Variants in TTC39A observed in about 807,000 individuals in gnomAD.
TTC39A encodes tetratricopeptide repeat protein 39A.
A neutral mutation model predicts 82.3 loss-of-function variants in TTC39A; 46 were observed. That is an observed-to-expected ratio of 0.56 (90% CI 0.44 to 0.71). The LOEUF is 0.71. Among genes scored for constraint, TTC39A ranks in the 30% least tolerant of loss-of-function variants. The pLI is 0.00. For missense variants in TTC39A, 543 were observed against 712.9 expected, an observed-to-expected ratio of 0.76 and a Z score of 2.71; for synonymous variants, 254 against 275.2, an observed-to-expected ratio of 0.92 and a Z score of 0.76.
In TTC39A at chr1:51,330,369, C is replaced by T. The variant is rs1482291342; in HGVS notation, c.41+68G>A. On this transcript the variant is annotated intron_variant, in intron 1 of 17. Coordinates refer to ENST00000680483, the MANE Select transcript of TTC39A (RefSeq NM_001297663.2). The surrounding 1 kb of genome is among the most constrained non-coding windows in gnomAD (Gnocchi z 4.5). Reference sequence around the variant, plus strand: ...GTGCGCGGGGGGAGGCCTGGCGCGGCGCCCGCCACCTGCCCGGGCCCCAGC... The same window carrying T: ...GTGCGCGGGGGGAGGCCTGGCGCGGTGCCCGCCACCTGCCCGGGCCCCAGC... 7.4e-6 allele frequency: 7 copies of T among 941,890 alleles called. No individual in the cohort carries two copies. The highest frequency in any genetic ancestry group is 4.8e-5 in the South Asian group (1 of 20,640). 58.3% of individuals were successfully genotyped at this position (941,890 alleles called of 1,614,324 possible). A position where few individuals can be genotyped will look rare whatever the true frequency, so the allele number is the denominator to read the frequency against.
chr1:51,305,919 A>C, intron 7 of TTC39A, 58 bp downstream of exon 7: 1 of 1,539,976 alleles, frequency 6.5e-7, no homozygotes, highest in Non-Finnish European at 9.0e-7. Context: ...TGAGTCAGGG[A>C]CAGAAGGGGA....
In TTC39A at chr1:51,287,746, G is replaced by C. The variant is rs1483861710; in HGVS notation, c.*411C>G. On this transcript the variant is annotated 3_prime_UTR_variant, in exon 18 of 18. Coordinates refer to ENST00000680483, the MANE Select transcript of TTC39A (RefSeq NM_001297663.2). ...AATTTGAAAAGCAATTTGCCCTTTG[G>C]CATCATCATATAAAGAGATTTACCT... 6.0e-6 allele frequency: 1 copy of C among 167,140 alleles called. No homozygotes were observed. Among genetic ancestry groups the C allele is most frequent in the African/African-American group, 2.4e-5 (1 of 42,160 alleles). 10.4% of individuals were successfully genotyped at this position (167,140 alleles called of 1,614,324 possible). A position where few individuals can be genotyped will look rare whatever the true frequency, so the allele number is the denominator to read the frequency against.
intron 1 of TTC39A, chr1:51,344,861 C>T: frequency 1.7e-6 from 2 of 1,198,250 alleles, no homozygotes; most frequent in Admixed American, 3.0e-5. Context: ...CGGCCGACCC[C>T]CACGCCCAGC....
intron 2 of TTC39A, among the ~76,000 whole-genome samples, chr1:51,319,431 C>T (rs1368910827): frequency 6.6e-6 from 1 of 152,136 alleles, no homozygotes; most frequent in East Asian, 1.9e-4. Context: ...ACGGAACCAT[C>T]GTACAAGAGC....
intron 11 of TTC39A, 103 bp from the exon 12 acceptor site, chr1:51,301,836 G>T: frequency 2.0e-6 from 3 of 1,494,180 alleles, no homozygotes; most frequent in Non-Finnish European, 2.7e-6. Context: ...CTCCTCCAGG[G>T]CATAGTGGTC....
intron 6 of TTC39A, among the ~76,000 whole-genome samples, chr1:51,307,178 C>T (rs1051801029): frequency 1.3e-5 from 2 of 152,160 alleles, no homozygotes; most frequent in African/African-American, 4.8e-5. Flanking sequence ...TAACCCAGGA[C>T]TTCTTTTAAG....
In TTC39A at chr1:51,288,839, T is replaced by C. The variant is rs1197354762; in HGVS notation, c.1610A>G (p.Lys537Arg). 2 of 1,601,022 alleles carry C rather than the reference T, an allele frequency of 1.2e-6. No individual in the cohort carries two copies. Among genetic ancestry groups the C allele is most frequent in the South Asian group, 1.1e-5 (1 of 88,448 alleles). Residue 537 changes from lysine to arginine, a missense_variant and splice_region_variant, in exon 17 of 18, where the codon AAG (lysine) becomes AGG (arginine). Transcript: ENST00000680483. The surrounding 1 kb of genome is among the most constrained non-coding windows in gnomAD (Gnocchi z 4.8). ...EEAIKLLESAKQNYKNYSMES... is the reference protein window; with the variant it reads ...EEAIKLLESARQNYKNYSMES... ...CAGACTGAGGTTACCCAAGCCTTAC[T>C]TGGCAGATTCCAAAAGTTTGATGGC... is the stretch of plus-strand genomic sequence containing the variant.
chr1:51,316,109 A>G (rs1645272857), intron 2 of TTC39A, among the ~76,000 whole-genome samples: 1 of 151,760 alleles, frequency 6.6e-6, no homozygotes, highest in Non-Finnish European at 1.5e-5. Flanking sequence ...TGCTTGTTTC[A>G]CCATTTCCCT....
rs1028971563 is a variant in TTC39A, at chr1:51,321,136, A to G, written c.146+585T>C. 6.6e-6 allele frequency among the ~76,000 whole-genome samples: 1 copy of G among 152,252 alleles called. No individual in the cohort carries two copies. Among genetic ancestry groups the G allele is most frequent in the Non-Finnish European group, 1.5e-5 (1 of 68,046 alleles). On this transcript the variant is annotated intron_variant, in intron 2 of 17. Coordinates refer to ENST00000680483, the MANE Select transcript of TTC39A (RefSeq NM_001297663.2). The surrounding 1 kb of genome is among the most constrained non-coding windows in gnomAD (Gnocchi z 4.6). ...TGATCCACCCGCCTTGGCCTCCCAA[A>G]GTGCTGGGATTACAAGCGTGAGCCA...
chr1:51,303,217 G>A (rs1449760635), intron 8 of TTC39A, 25 bp from the exon 9 acceptor site: 4 of 1,511,822 alleles, frequency 2.6e-6, no homozygotes, highest in Non-Finnish European at 2.7e-6. Context: ...GGGTGGGTGA[G>A]GCTCCCAGAG....
intron 13 of TTC39A, among the ~76,000 whole-genome samples, chr1:51,295,271 C>A: frequency 6.6e-6 from 1 of 152,148 alleles, no homozygotes; most frequent in East Asian, 1.9e-4. Context: ...GAGAGGGGGA[C>A]ATGGAGTCTG....
chr1:51,331,881 TATTTAAACAAACTGAAGTC>T, upstream of TTC39A: 1 of 927,928 alleles, frequency 1.1e-6, no homozygotes, highest in Non-Finnish European at 1.3e-6. Flanking sequence ...AAGTTTATAT[TATTTAAACAAACTGAAGTC>T]ATGGAGAGGG....
intron 2 of TTC39A, among the ~76,000 whole-genome samples, chr1:51,314,083 A>G (rs1474072311): frequency 2.0e-5 from 3 of 152,194 alleles, no homozygotes; most frequent in Admixed American, 1.3e-4. Context: ...CACCGATGTC[A>G]GGGCTGAGCC....
chr1:51,321,878 C>T lies in TTC39A; in HGVS notation c.42-53G>A. 1.3e-6 allele frequency: 2 copies of T among 1,521,566 alleles called. No individual in the cohort carries two copies. The highest frequency in any genetic ancestry group is 1.4e-5 in the African/African-American group (1 of 73,078). 94.3% of individuals were successfully genotyped at this position (1,521,566 alleles called of 1,614,324 possible). On this transcript the variant is annotated intron_variant, in intron 1 of 17. Coordinates refer to ENST00000680483, the MANE Select transcript of TTC39A (RefSeq NM_001297663.2). This position sits in a 1 kb window ranked among gnomAD's most constrained non-coding sequence, Gnocchi z 4.6. ...CAGGGGCCCTCCAACCCTCCAGCCT[C>T]TCCTGGCTGGAACAGAGCCTCACAG...
intron 1 of TTC39A, among the ~76,000 whole-genome samples, chr1:51,323,331 C>G (rs967278681): frequency 2.0e-5 from 3 of 151,518 alleles, no homozygotes; most frequent in Non-Finnish European, 2.9e-5. Flanking sequence ...CCAGGCTGGT[C>G]TTGAACTCCT....
intron 6 of TTC39A, among the ~76,000 whole-genome samples, chr1:51,308,348 T>C (rs959698978): frequency 6.6e-6 from 1 of 151,794 alleles, no homozygotes; most frequent in Non-Finnish European, 1.5e-5. Flanking sequence ...CAAGCGATTC[T>C]CCTGCCTGAG....
intron 14 of TTC39A, among the ~76,000 whole-genome samples, chr1:51,291,335 A>G (rs762192796): frequency 1.9e-4 from 29 of 151,968 alleles, no homozygotes; most frequent in Non-Finnish European, 2.9e-4. Context: ...TACTAAAAAT[A>G]CAAAAATTAG....
At chr1:51,345,041 C>T in exon 1 of TTC39A, 2 of 1,488,762 alleles carry the variant, frequency 1.3e-6, no homozygotes, top group Non-Finnish European at 1.8e-6. Flanking sequence ...TCAGAAAGGC[C>T]ATGGGCGCGG....
At position 51,330,225 on chromosome 1, in the gene TTC39A, A is replaced by AC; in HGVS notation, c.41+211dup. ...TTGGGACCCAGAAGGTGAGTGACCGACCCGGGGTCCCCGCGCCTCCGCCTC... is the reference window on the plus strand; with the variant it reads ...TTGGGACCCAGAAGGTGAGTGACCGACCCCGGGGTCCCCGCGCCTCCGCCTC... On this transcript the variant is annotated intron_variant, in intron 1 of 17. Transcript: ENST00000680483. This position sits in a 1 kb window ranked among gnomAD's most constrained non-coding sequence, Gnocchi z 4.5. The AC allele has an allele frequency of 1.0e-6, 1 of 984,824 alleles. No individual in the cohort carries two copies. The allele number at this position is 984,824 out of a possible 1,614,324, so 61.0% of individuals were successfully genotyped here.
Sources: gnomAD v4.1 joint callset for allele counts (sites outside exome capture counted in the v4.1 genomes callset) on GRCh38, gnomAD v4.1.1 for gene constraint, Gnocchi (gnomAD v3.1) non-coding constraint, MANE v1.5 for transcripts, NCBI Gene and HGNC (gene_info 2026-07-23, HGNC 2026-07-21) for gene names.